The following DSN1 variants were observed in gnomAD, a reference collection of about 807,000 sequenced individuals.
DSN1 encodes kinetochore-associated protein DSN1 homolog.
A neutral mutation model predicts 45.7 loss-of-function variants in DSN1; 31 were observed. The ratio of observed to expected loss-of-function variants is 0.68; its 90% CI spans 0.51 to 0.92. The LOEUF (loss-of-function observed/expected upper bound fraction) is 0.92, where lower values mean the gene tolerates loss of function less well. Among genes scored for constraint, DSN1 ranks in the 40% least tolerant of loss-of-function variants. The probability of loss-of-function intolerance (pLI) is 0.00; values close to 1 mark genes in which losing one functional copy is unlikely to be tolerated. For synonymous variants in DSN1, 134 were observed against 142.3 expected, an observed-to-expected ratio of 0.94 and a Z score of 0.41; for missense variants, 394 against 414.2, an observed-to-expected ratio of 0.95 and a Z score of 0.42.
chr20:36,761,871 T>TG (rs1986999641), intron 6 of DSN1, among the ~76,000 whole-genome samples: 1 of 150,294 alleles, frequency 6.7e-6, no homozygotes, highest in Non-Finnish European at 1.5e-5. Flanking sequence ...TAGCCAGGCA[T>TG]GGTGGCGCAT....
intron 5 of DSN1, among the ~76,000 whole-genome samples, chr20:36,763,315 G>A (rs918959613): frequency 7.0e-6 from 1 of 142,652 alleles, no homozygotes; most frequent in African/African-American, 2.6e-5. Context: ...TGAGGCAGGG[G>A]AATCGCTTGA....
rs1216891202 is a variant in DSN1 at position 36,770,928 on chromosome 20, A to C, written c.300T>G (p.Ser100Arg). The change falls in exon 3 of 11, where the codon AGT (serine) becomes AGG (arginine). Residue 100 changes from serine (S) to arginine (R), a missense_variant. Coordinates refer to ENST00000373750, the MANE Select transcript of DSN1 (RefSeq NM_001145315.2). ...QDRRQSWRRA[S>R]MKETNRRKSL... Reference sequence around the variant, plus strand: ...ACTTCCGCCGGTTCGTTTCTTTCATACTTGCTCGCCGCCAGGATTGCCTCC... The same window carrying C: ...ACTTCCGCCGGTTCGTTTCTTTCATCCTTGCTCGCCGCCAGGATTGCCTCC... The C allele has an allele frequency of 1.2e-6, 2 of 1,614,062 alleles. No individual in the cohort carries two copies. The highest frequency in any genetic ancestry group is 8.5e-7 in the Non-Finnish European group (1 of 1,180,026).
At chr20:36,762,100 CTTTTTTT>C (rs1235328830) in intron 6 of DSN1, among the ~76,000 whole-genome samples, 3 of 121,576 alleles carry the variant, frequency 2.5e-5, no homozygotes, top group Middle Eastern at 5.1e-3. Context: ...AGTCCTAATT[CTTTTTTT>C]TTTTTTTTTT....
chr20:36,762,303 G>A (rs894120743), intron 6 of DSN1, among the ~76,000 whole-genome samples, 158 bp downstream of exon 6: 3 of 151,752 alleles, frequency 2.0e-5, no homozygotes, highest in East Asian at 3.9e-4. Context: ...GTAGAGATGG[G>A]GTTTCACCGT....
At chr20:36,770,383 T>A (rs971043726) in intron 3 of DSN1, among the ~76,000 whole-genome samples, 2 of 152,170 alleles carry the variant, frequency 1.3e-5, no homozygotes, top group African/African-American at 4.8e-5. Context: ...TATTTGTATG[T>A]GCATCTTCCC....
chr20:36,765,412 C>T (rs1011122114), intron 5 of DSN1, among the ~76,000 whole-genome samples: 12 of 151,880 alleles, frequency 7.9e-5, no homozygotes, highest in African/African-American at 2.7e-4. Flanking sequence ...AAAATTAGCC[C>T]GGCGTGGTGG....
chr20:36,773,512 C>T (rs577955581), intron 1 of DSN1, 150 bp downstream of exon 1: 1 of 985,872 alleles, frequency 1.0e-6, no homozygotes, highest in Non-Finnish European at 1.2e-6. Context: ...CTCGGGGACC[C>T]CCAGTGTCCA....
At chr20:36,753,649 A>AAG (rs1428674784) in intron 10 of DSN1, among the ~76,000 whole-genome samples, 4 of 150,634 alleles carry the variant, frequency 2.7e-5, no homozygotes, top group African/African-American at 9.7e-5. Context: ...AAAAAAAAAA[A>AAG]AAAAGAAAAA....
intron 6 of DSN1, among the ~76,000 whole-genome samples, chr20:36,761,453 G>T (rs1036973775): frequency 6.6e-6 from 1 of 152,186 alleles, no homozygotes. Flanking sequence ...CGCTGAATCC[G>T]CTGGGTGTGG....
In DSN1 at chr20:36,758,140, A is replaced by T. The variant is rs1170532166; in HGVS notation, c.672T>A (p.Thr224=). The change falls in exon 8 of 11, where the codon ACT becomes ACA. Residue 224 remains threonine (T), a synonymous_variant. Coordinates refer to ENST00000373750, the MANE Select transcript of DSN1 (RefSeq NM_001145315.2). ...YITKFSLERQ[T]WDQLLLHYQQ... ...GGTAGTGAAGCAAGAGCTGATCCCA[A>T]GTCTGACGTTCTAAAGAAAACCTGT... The T allele has an allele frequency of 6.2e-7, 1 of 1,613,952 alleles. No individual in the cohort carries two copies. The highest frequency in any genetic ancestry group is 8.5e-7 in the Non-Finnish European group (1 of 1,179,998).
chr20:36,761,185 T>C (rs1209682514), intron 6 of DSN1, among the ~76,000 whole-genome samples: 1 of 152,168 alleles, frequency 6.6e-6, no homozygotes, highest in Non-Finnish European at 1.5e-5. Context: ...CCCCTCATCT[T>C]TTCATGGCTG....
At position 36,771,007 on chromosome 20, in the gene DSN1, TG is replaced by T. The variant is rs771022959; in HGVS notation, c.220del (p.Gln74SerfsTer28). On this transcript the variant is annotated frameshift_variant, in exon 3 of 11. Transcript: ENST00000373750. LOFTEE classifies it high-confidence loss of function. ...AGGAGACAAATGAAGGGACTTCGAC[TG>T]AAGTCTTTCCTGGTGGCTGAGATCA... The part of the protein sequence containing the change: ...NCDLSHQERL[Q>X]SKSLHLSPQE... The T allele has an allele frequency of 1.9e-6, 3 of 1,614,244 alleles. No individual in the cohort carries two copies. The highest frequency in any genetic ancestry group is 1.7e-5 in the Admixed American group (1 of 60,016).
intron 5 of DSN1, among the ~76,000 whole-genome samples, chr20:36,766,022 G>A (rs568348135): frequency 3.4e-5 from 5 of 149,084 alleles, no homozygotes; most frequent in African/African-American, 7.4e-5. Flanking sequence ...GCGAAACCCC[G>A]TCTCTACTAA....
chr20:36,771,238 C>T, intron 2 of DSN1, 45 bp from the exon 3 acceptor site: 1 of 1,557,558 alleles, frequency 6.4e-7, no homozygotes, highest in Non-Finnish European at 8.7e-7. Flanking sequence ...TCAAGCCCGC[C>T]ACAACTATTT....
rs953902183 is a variant in DSN1 at position 36,770,884 on chromosome 20, T to TG, written c.343dup (p.Gln115ProfsTer36). On this transcript the variant is annotated frameshift_variant, in exon 3 of 11. Transcript: ENST00000373750. LOFTEE classifies it high-confidence loss of function. Reference sequence around the variant, plus strand: ...ACACAGCACCCCACCTGTGATGCCCTGGTGAATGGGATGCAGCGACTTCCG... The same window carrying TG: ...ACACAGCACCCCACCTGTGATGCCCTGGGTGAATGGGATGCAGCGACTTCCG... The TG allele has an allele frequency of 1.2e-6, 2 of 1,610,422 alleles. No individual in the cohort carries two copies. The highest frequency in any genetic ancestry group is 2.7e-5 in the African/African-American group (2 of 74,884).
At chr20:36,766,503 C>T (rs1305243712) in intron 5 of DSN1, among the ~76,000 whole-genome samples, 1 of 152,034 alleles carries the variant, frequency 6.6e-6, no homozygotes, top group Non-Finnish European at 1.5e-5. Context: ...CTCTTCCCTA[C>T]TAAAAATACA....
chr20:36,759,851 T>C (rs1407245535), intron 6 of DSN1, among the ~76,000 whole-genome samples: 15 of 152,172 alleles, frequency 9.9e-5, no homozygotes, highest in Admixed American at 9.8e-4. Flanking sequence ...AAGTGGTCTC[T>C]TTATATTCTG....
rs746287913 is a variant in DSN1 at position 36,754,850 on chromosome 20, T to G, written c.874A>C (p.Met292Leu). Residue 292 changes from methionine to leucine, a missense_variant and splice_region_variant, in exon 10 of 11, where the codon ATG (methionine) becomes CTG (leucine). Transcript: ENST00000373750. Reference protein sequence around the residue: ...SKVFDCMELVMDELQGSVKQL... With the variant: ...SKVFDCMELVLDELQGSVKQL... ...TTCACTGATCCTTGCAGTTCATCCA[T>G]CTGTAGAAAAAAGACAGCTGTGAGC... 2.5e-6 allele frequency: 4 copies of G among 1,613,524 alleles called. No homozygotes were observed. In the South Asian group the frequency reaches 4.4e-5, roughly 18 times the overall value.
At chr20:36,770,658 A>T (rs1987595795) in intron 3 of DSN1, among the ~76,000 whole-genome samples, 1 of 152,200 alleles carries the variant, frequency 6.6e-6, no homozygotes, top group Admixed American at 6.5e-5. Context: ...CAGAAGTTCA[A>T]GTCCAGCCTA....
Sources: allele counts gnomAD v4.1 joint callset (sites outside exome capture counted in the v4.1 genomes callset), GRCh38; gene constraint gnomAD v4.1.1; transcripts MANE v1.5; gene names NCBI Gene and HGNC (gene_info 2026-07-23, HGNC 2026-07-21).